Variants in RARB observed in about 807,000 individuals in gnomAD.
RARB encodes the protein retinoic acid receptor beta, also known as HBV-activated protein.
RARB carries 17 observed loss-of-function variants against 51.9 expected under a neutral mutation model. That is an observed-to-expected ratio of 0.33 (90% CI 0.22 to 0.49). RARB has a LOEUF of 0.49. Among genes scored for constraint, RARB ranks in the 20% least tolerant of loss-of-function variants. The pLI, the probability that RARB is intolerant of heterozygous loss-of-function variation, is 0.99. For synonymous variants in RARB, 215 were observed against 195.4 expected (o/e 1.10, Z -0.84); for missense variants, 369 against 550.8 (o/e 0.67, Z 3.30).
intron 2 of RARB, among the ~76,000 whole-genome samples, chr3:25,467,839 A>C (rs1211246818): frequency 1.3e-5 from 2 of 152,246 alleles, no homozygotes; most frequent in Non-Finnish European, 1.5e-5. Context: ...TTCAGGCCCT[A>C]TGCCGGGTGC....
intron 5 of RARB, among the ~76,000 whole-genome samples, chr3:25,374,362 C>T (rs1408918815): frequency 2.0e-5 from 3 of 151,914 alleles, no homozygotes; most frequent in Non-Finnish European, 4.4e-5. Context: ...AACAGGTAGT[C>T]GAATTGAGGA....
chr3:24,870,640 A>T (rs1452557269), intron 2 of RARB, among the ~76,000 whole-genome samples: 1 of 152,116 alleles, frequency 6.6e-6, no homozygotes, highest in African/African-American at 2.4e-5. Context: ...GGATCATATT[A>T]TCTGTGATTC....
intron 2 of RARB, among the ~76,000 whole-genome samples, chr3:25,483,563 A>T (rs1575447268): frequency 1.5e-5 from 2 of 130,458 alleles, no homozygotes; most frequent in South Asian, 2.5e-4. Context: ...AAAAAAAGAG[A>T]GTGTGTGGCT....
At chr3:24,924,656 T>G (rs1210321951) in intron 2 of RARB, among the ~76,000 whole-genome samples, 1 of 152,194 alleles carries the variant, frequency 6.6e-6, no homozygotes, top group Non-Finnish European at 1.5e-5. Context: ...ATACTATTGA[T>G]GTCAATGAGG....
At chr3:24,975,977 T>A (rs1696502995) in intron 2 of RARB, among the ~76,000 whole-genome samples, 2 of 152,180 alleles carry the variant, frequency 1.3e-5, no homozygotes, top group South Asian at 4.1e-4. Context: ...TGTCCATATT[T>A]TCTCATTGTT....
intron 5 of RARB, among the ~76,000 whole-genome samples, chr3:25,342,726 A>T (rs570192980): frequency 4.6e-5 from 7 of 152,208 alleles, no homozygotes; most frequent in African/African-American, 1.7e-4. Context: ...CCTATGATAC[A>T]TTTTTCTGCC....
intron 5 of RARB, among the ~76,000 whole-genome samples, chr3:25,347,751 T>C (rs555893099): frequency 6.6e-6 from 1 of 152,334 alleles, no homozygotes; most frequent in African/African-American, 2.4e-5. Flanking sequence ...GGAATCAATG[T>C]GACAGGCGGA....
intron 3 of RARB, among the ~76,000 whole-genome samples, chr3:25,100,325 T>A (rs1022518007): frequency 4.6e-5 from 7 of 152,178 alleles, no homozygotes; most frequent in African/African-American, 1.7e-4. Flanking sequence ...CAAATCCAGG[T>A]GCCATTTAAA....
intron 2 of RARB, among the ~76,000 whole-genome samples, chr3:24,874,906 A>C (rs1030068573): frequency 6.6e-6 from 1 of 152,086 alleles, no homozygotes; most frequent in Non-Finnish European, 1.5e-5. Flanking sequence ...ACTAAAAGTT[A>C]TACGCTCATT....
intron 5 of RARB, among the ~76,000 whole-genome samples, chr3:25,592,904 G>C (rs1701666606): frequency 6.6e-6 from 1 of 152,182 alleles, no homozygotes; most frequent in East Asian, 1.9e-4. Context: ...GTAACCGTGT[G>C]ATCAGAGGCA....
rs73820552 is a variant in RARB at position 25,581,321 on chromosome 3, T to A, written c.786+599T>A. ...TGATTTTACTTTCCCTATGTTCTGA[T>A]GCATCCCTGGAGGCCAGTCCCCCAT... On this transcript the variant is annotated intron_variant, in intron 5 of 7. Transcript: ENST00000330688. 4.4e-3 allele frequency among the ~76,000 whole-genome samples: 674 copies of A among 152,350 alleles called. 9 individuals are homozygous for A. The highest frequency in any genetic ancestry group is 0.016 in the African/African-American group (659 of 41,588).
At chr3:25,566,969 C>T (rs1700519661) in intron 3 of RARB, among the ~76,000 whole-genome samples, 1 of 152,194 alleles carries the variant, frequency 6.6e-6, no homozygotes, top group South Asian at 2.1e-4. Flanking sequence ...TAGGATTCTT[C>T]ACCTGCTGAT....
chr3:25,562,562 G>T (rs1211058328), intron 3 of RARB, among the ~76,000 whole-genome samples: 1 of 152,164 alleles, frequency 6.6e-6, no homozygotes, highest in African/African-American at 2.4e-5. Flanking sequence ...CATCTCAGGG[G>T]TTCATGTCAT....
At position 25,442,873 on chromosome 3, in the gene RARB, G is replaced by A. The variant is rs531366070; in HGVS notation, c.157+13985G>A. Among the ~76,000 whole-genome samples, 5 of 152,216 alleles carry A rather than the reference G, an allele frequency of 3.3e-5. No homozygotes were observed. In the South Asian group the frequency reaches 6.2e-4, roughly 19 times the overall value. ...ATGGAGACATACGATGTCTATTCCC[G>A]TGCTCCACACCTGCTTGGTTTTGAG... On this transcript the variant is annotated intron_variant, in intron 1 of 7. Coordinates refer to ENST00000330688, the MANE Select transcript of RARB (RefSeq NM_000965.5).
chr3:25,111,167 A>T (rs2125325278), intron 3 of RARB, among the ~76,000 whole-genome samples: 1 of 152,314 alleles, frequency 6.6e-6, no homozygotes, highest in South Asian at 2.1e-4. Flanking sequence ...GCAAGTAATC[A>T]ATCCTAATAC....
chr3:25,362,363 C>T (rs1321481243), intron 5 of RARB, among the ~76,000 whole-genome samples: 1 of 152,186 alleles, frequency 6.6e-6, no homozygotes, highest in Non-Finnish European at 1.5e-5. Flanking sequence ...AGTCCCAGGT[C>T]AACTTCAGAC....
chr3:24,944,259 T>C (rs561322953), intron 2 of RARB, among the ~76,000 whole-genome samples: 3 of 152,318 alleles, frequency 2.0e-5, no homozygotes, highest in African/African-American at 7.2e-5. Context: ...TCCATAGACA[T>C]TGATCCCCTT....
chr3:24,950,975 G>A (rs1407013567), intron 2 of RARB, among the ~76,000 whole-genome samples: 1 of 152,112 alleles, frequency 6.6e-6, no homozygotes, highest in Non-Finnish European at 1.5e-5. Context: ...TTTTCTGTGT[G>A]TCACCAAACC....
intron 5 of RARB, among the ~76,000 whole-genome samples, chr3:25,289,002 G>A (rs1271031365): frequency 3.9e-5 from 6 of 152,166 alleles, no homozygotes; most frequent in East Asian, 1.9e-4. Flanking sequence ...ATGAACCAAT[G>A]ATGATAACTC....
Sources: gnomAD v4.1 joint callset for allele counts (sites outside exome capture counted in the v4.1 genomes callset) on GRCh38, gnomAD v4.1.1 for gene constraint, MANE v1.5 for transcripts, NCBI Gene and HGNC (gene_info 2026-07-23, HGNC 2026-07-21) for gene names.